Variants in DCAF8L2 observed in about 807,000 individuals in gnomAD.
The protein encoded by DCAF8L2 is DDB1- and CUL4-associated factor 8-like protein 2.
For synonymous variants in DCAF8L2, 200 were observed against 190.9 expected (o/e 1.05, Z -0.39); for missense variants, 430 against 490.7 (o/e 0.88, Z 1.17).
chrX:27,613,087 G>T (rs1430800724), intron 1 of DCAF8L2, among the ~76,000 whole-genome samples: 3 of 111,757 alleles, frequency 2.7e-5, no homozygotes, highest in African/African-American at 9.8e-5. Flanking sequence ...CATGAGCATG[G>T]AATGTGTTTC....
At chrX:27,484,302 G>A in the DCAF8L2 span, among the ~76,000 whole-genome samples, 1 of 111,158 alleles carries the variant, frequency 9.0e-6, no homozygotes, top group Non-Finnish European at 1.9e-5. Flanking sequence ...TTCTCATGGT[G>A]GTTTTCAGAT....
chrX:27,508,644 A>C, the DCAF8L2 span, among the ~76,000 whole-genome samples: 1 of 104,427 alleles, frequency 9.6e-6, no homozygotes, highest in African/African-American at 3.5e-5. Flanking sequence ...CACAGGCCTC[A>C]TGGGTCTGAA....
At chrX:27,502,192 G>C in the DCAF8L2 span, among the ~76,000 whole-genome samples, 2 of 102,152 alleles carry the variant, frequency 2.0e-5, no homozygotes, top group East Asian at 6.4e-4. Flanking sequence ...GTGGTGGCAG[G>C]CACCTGTAAT....
At chrX:27,531,142 C>T in the DCAF8L2 span, among the ~76,000 whole-genome samples, 1 of 111,901 alleles carries the variant, frequency 8.9e-6, no homozygotes, top group Non-Finnish European at 1.9e-5. Flanking sequence ...ATACCCAAGA[C>T]TGGGTAATTT....
At chrX:27,724,812 C>T (rs1003150336) in intron 4 of DCAF8L2, among the ~76,000 whole-genome samples, 6 of 110,244 alleles carry the variant, frequency 5.4e-5, no homozygotes, top group African/African-American at 1.6e-4. Context: ...TTTGTATATT[C>T]TAGGTATATT....
chrX:27,673,227 A>G (rs1224746983), intron 2 of DCAF8L2, among the ~76,000 whole-genome samples: 1 of 110,905 alleles, frequency 9.0e-6, no homozygotes, highest in Non-Finnish European at 1.9e-5. Flanking sequence ...AGATTTGGGG[A>G]CCAAGCACAG....
chrX:27,513,843 T>A, the DCAF8L2 span, among the ~76,000 whole-genome samples: 2 of 111,660 alleles, frequency 1.8e-5, no homozygotes, highest in Non-Finnish European at 3.8e-5. Flanking sequence ...ATTGATATAT[T>A]ACTTTACCCC....
chrX:27,747,282 A>AGAGGAGGAG lies in DCAF8L2; in HGVS notation c.426_434dup (p.Glu145_Glu147dup), dbSNP rs745536197. 4,117 of 936,469 alleles carry AGAGGAGGAG rather than the reference A, an allele frequency of 4.4e-3. 54 individuals are homozygous for AGAGGAGGAG. The highest frequency in any genetic ancestry group is 0.042 in the African/African-American group (1,581 of 37,688). 77.2% of individuals were successfully genotyped at this position (936,469 alleles called of 1,213,427 possible). A position where few individuals can be genotyped will look rare whatever the true frequency, so the allele number is the denominator to read the frequency against. On this transcript the variant is annotated inframe_insertion, in exon 5 of 5. Coordinates refer to ENST00000451261, the MANE Select transcript of DCAF8L2 (RefSeq NM_001353450.2). ...AAGAGGAGGGAGGGGAGGAGGAGGA[A>AGAGGAGGAG]GAGGAGGAGGAGGAGGAGGAGGAGG... is the stretch of plus-strand genomic sequence containing the variant.
intron 2 of DCAF8L2, among the ~76,000 whole-genome samples, chrX:27,647,755 T>C (rs1928996399): frequency 9.0e-6 from 1 of 110,780 alleles, no homozygotes; most frequent in South Asian, 3.8e-4. Context: ...ACACTTTCTA[T>C]AAAAAAGATG....
At chrX:27,539,777 T>C in the DCAF8L2 span, among the ~76,000 whole-genome samples, 1 of 111,050 alleles carries the variant, frequency 9.0e-6, no homozygotes, top group African/African-American at 3.3e-5. Context: ...GGGATGTTGG[T>C]GTTGCCAACA....
chrX:27,643,765 G>A (rs753741801), intron 2 of DCAF8L2, among the ~76,000 whole-genome samples: 1 of 111,574 alleles, frequency 9.0e-6, no homozygotes, highest in East Asian at 2.8e-4. Context: ...TCGTGTTCCT[G>A]ATGTTTAGCT....
At chrX:27,508,152 A>T in the DCAF8L2 span, among the ~76,000 whole-genome samples, 1 of 111,898 alleles carries the variant, frequency 8.9e-6, no homozygotes, top group African/African-American at 3.2e-5. Flanking sequence ...TTCACCACCT[A>T]AAACTGCCCT....
intron 3 of DCAF8L2, among the ~76,000 whole-genome samples, chrX:27,715,389 A>AAAAAAAGAC (rs1931666684): frequency 9.7e-6 from 1 of 102,766 alleles, no homozygotes. Context: ...AAAAAAAGGA[A>AAAAAAAGAC]CTGAGACTAG....
chrX:27,599,896 T>A (rs1249790395), intron 1 of DCAF8L2, among the ~76,000 whole-genome samples: 8 of 112,029 alleles, frequency 7.1e-5, no homozygotes, highest in African/African-American at 2.6e-4. Flanking sequence ...TAGATACTTC[T>A]CAGGAATATA....
At chrX:27,504,960 G>C in the DCAF8L2 span, among the ~76,000 whole-genome samples, 2 of 110,911 alleles carry the variant, frequency 1.8e-5, no homozygotes, top group Non-Finnish European at 3.8e-5. Flanking sequence ...ATGATTTTTA[G>C]CATCTTTGTT....
chrX:27,731,917 CAT>C (rs1179819863), intron 4 of DCAF8L2, among the ~76,000 whole-genome samples: 4 of 111,558 alleles, frequency 3.6e-5, no homozygotes, highest in Non-Finnish European at 5.6e-5. Flanking sequence ...GAGACAGAAA[CAT>C]AGAAATGTTA....
At chrX:27,654,340 T>C (rs780268899) in intron 2 of DCAF8L2, among the ~76,000 whole-genome samples, 1 of 112,123 alleles carries the variant, frequency 8.9e-6, no homozygotes. Flanking sequence ...GAACATAACC[T>C]AACATGAACT....
chrX:27,617,883 T>C (rs1927554627), intron 1 of DCAF8L2, among the ~76,000 whole-genome samples: 1 of 112,148 alleles, frequency 8.9e-6, no homozygotes, highest in African/African-American at 3.2e-5. Flanking sequence ...ATAATGTTAC[T>C]TCAATAATGT....
the DCAF8L2 span, among the ~76,000 whole-genome samples, chrX:27,520,427 T>C: frequency 8.9e-6 from 1 of 111,918 alleles, no homozygotes; most frequent in African/African-American, 3.2e-5. Context: ...CAATGGCAAG[T>C]GCAGAACTAA....
Sources: gnomAD v4.1 joint callset for allele counts (sites outside exome capture counted in the v4.1 genomes callset) on GRCh38, gnomAD v4.1.1 for gene constraint, MANE v1.5 for transcripts, NCBI Gene and HGNC (gene_info 2026-07-23, HGNC 2026-07-21) for gene names.